KAZN: variants seen among roughly 807,000 people sequenced by gnomAD.
KAZN encodes kazrin.
Under a neutral mutation model 87.4 loss-of-function variants are expected in KAZN, and 40 were observed. The observed-to-expected ratio is 0.46, with a 90% confidence interval of 0.36 to 0.60. The LOEUF is 0.60. KAZN is among the 20% of genes least tolerant of loss of function. The pLI is 0.00. For missense variants in KAZN, 898 were observed against 1,073.9 expected (o/e 0.84, Z 2.29); for synonymous variants, 466 against 458.3 (o/e 1.02, Z -0.22).
At chr1:15,017,496 G>A (rs1200310771) in intron 2 of KAZN, among the ~76,000 whole-genome samples, 4 of 151,854 alleles carry the variant, frequency 2.6e-5, no homozygotes, top group Admixed American at 6.6e-5. Flanking sequence ...AGTTTTGTAC[G>A]ACTGAATTTA....
intron 2 of KAZN, among the ~76,000 whole-genome samples, chr1:15,017,487 G>C (rs1307184290): frequency 6.6e-6 from 1 of 150,866 alleles, no homozygotes; most frequent in Non-Finnish European, 1.5e-5. Context: ...TGTGGTCTTA[G>C]TTTTGTACGA....
intron 1 of KAZN, among the ~76,000 whole-genome samples, chr1:14,811,384 T>C (rs1646405711): frequency 6.6e-6 from 1 of 152,256 alleles, no homozygotes; most frequent in Non-Finnish European, 1.5e-5. Context: ...GTGGGAATGT[T>C]ATAAAAGTAG....
chr1:14,161,138 A>G (rs902610147), intron 1 of KAZN, among the ~76,000 whole-genome samples: 12 of 152,250 alleles, frequency 7.9e-5, no homozygotes, highest in Non-Finnish European at 1.5e-4. Context: ...TTGTCAGGTT[A>G]TTGGAGCAAA....
chr1:14,858,535 C>T (rs747001459), intron 1 of KAZN, among the ~76,000 whole-genome samples: 2 of 152,194 alleles, frequency 1.3e-5, no homozygotes, highest in Non-Finnish European at 2.9e-5. Flanking sequence ...TTCGTTTATC[C>T]ATTCATTAGC....
chr1:14,212,204 C>T (rs567283293), intron 2 of KAZN, among the ~76,000 whole-genome samples: 1 of 152,294 alleles, frequency 6.6e-6, no homozygotes, highest in Admixed American at 6.5e-5. Context: ...AGACGGTTGG[C>T]ATCATCCCCT....
intron 1 of KAZN, among the ~76,000 whole-genome samples, chr1:14,090,337 G>A (rs1643946876): frequency 6.6e-6 from 1 of 151,626 alleles, no homozygotes; most frequent in African/African-American, 2.4e-5. Flanking sequence ...CTTCATTTTG[G>A]AAAGTTTCTA....
At chr1:14,959,772 A>C (rs960516124) in intron 1 of KAZN, among the ~76,000 whole-genome samples, 2 of 152,026 alleles carry the variant, frequency 1.3e-5, no homozygotes, top group East Asian at 3.9e-4. Flanking sequence ...TGTTTTCACT[A>C]TTGCCCAGGT....
chr1:13,903,922 G>A (rs890588818), intron 1 of KAZN, among the ~76,000 whole-genome samples: 5 of 152,172 alleles, frequency 3.3e-5, no homozygotes, highest in African/African-American at 9.7e-5. Context: ...GAGTCCCTGG[G>A]TGACTGCAGC....
At chr1:14,565,088 C>T (rs1674478534) in intron 2 of KAZN, among the ~76,000 whole-genome samples, 1 of 152,160 alleles carries the variant, frequency 6.6e-6, no homozygotes, top group African/African-American at 2.4e-5. Flanking sequence ...CTACCCACCT[C>T]CTAGCTTGAT....
At chr1:14,658,356 A>G (rs1342278774) in intron 1 of KAZN, among the ~76,000 whole-genome samples, 2 of 152,116 alleles carry the variant, frequency 1.3e-5, no homozygotes, top group East Asian at 3.9e-4. Flanking sequence ...GTGAGCTGAT[A>G]TTTTTATGTA....
chr1:14,265,674 T>G (rs575306427), intron 2 of KAZN, among the ~76,000 whole-genome samples: 14 of 152,290 alleles, frequency 9.2e-5, no homozygotes, highest in African/African-American at 3.1e-4. Context: ...TTATTTCACA[T>G]GCCCCCACAG....
intron 2 of KAZN, among the ~76,000 whole-genome samples, chr1:14,534,274 C>T (rs1432497441): frequency 1.3e-5 from 2 of 152,164 alleles, no homozygotes; most frequent in African/African-American, 4.8e-5. Context: ...TGAATAGAAA[C>T]ATATATTCCA....
At chr1:14,326,859 C>A (rs1292681115) in intron 2 of KAZN, among the ~76,000 whole-genome samples, 1 of 151,718 alleles carries the variant, frequency 6.6e-6, no homozygotes, top group East Asian at 2.0e-4. Context: ...TCTGATGATC[C>A]CACATACAAT....
At chr1:15,080,045 TG>T (rs1399063767) in intron 8 of KAZN, among the ~76,000 whole-genome samples, 2 of 152,216 alleles carry the variant, frequency 1.3e-5, no homozygotes. Flanking sequence ...TGCAGAGCAG[TG>T]GGGACCCTGG....
rs186620603 is a variant in KAZN at position 14,517,191 on chromosome 1, G to A, written c.250-81792G>A. ...ACCCATGCCAGGCTATGAGACTCAAGTCTATGAGTTTATGCAAAGTGTTAG... is the reference window on the plus strand; with the variant it reads ...ACCCATGCCAGGCTATGAGACTCAAATCTATGAGTTTATGCAAAGTGTTAG... On this transcript the variant is annotated intron_variant, in intron 2 of 16. Transcript: ENST00000636203. 1.7e-4 allele frequency among the ~76,000 whole-genome samples: 26 copies of A among 152,220 alleles called. No homozygotes were observed. In the South Asian group the frequency reaches 1.9e-3, roughly 11 times the overall value.
At chr1:14,912,445 G>A (rs1264838342) in intron 1 of KAZN, among the ~76,000 whole-genome samples, 4 of 152,154 alleles carry the variant, frequency 2.6e-5, no homozygotes, top group African/African-American at 7.2e-5. Context: ...GAGAGGATAC[G>A]CTGTCACCAT....
chr1:14,041,965 C>T (rs1273579545), intron 1 of KAZN, among the ~76,000 whole-genome samples: 5 of 152,146 alleles, frequency 3.3e-5, no homozygotes, highest in Admixed American at 2.6e-4. Flanking sequence ...TGACATTCCT[C>T]TCTGAATGCT....
chr1:14,478,341 G>A (rs1240809691), intron 2 of KAZN, among the ~76,000 whole-genome samples: 1 of 151,850 alleles, frequency 6.6e-6, no homozygotes, highest in African/African-American at 2.4e-5. Context: ...AAGGAAGAAA[G>A]GATGACAAGT....
intron 2 of KAZN, among the ~76,000 whole-genome samples, chr1:14,307,499 G>A (rs903939412): frequency 6.6e-6 from 1 of 152,150 alleles, no homozygotes; most frequent in Admixed American, 6.5e-5. Flanking sequence ...TACTATCATT[G>A]TCCTCCTTTA....
Sources: allele counts gnomAD v4.1 joint callset (sites outside exome capture counted in the v4.1 genomes callset), GRCh38; gene constraint gnomAD v4.1.1; transcripts MANE v1.5; gene names NCBI Gene and HGNC (gene_info 2026-07-23, HGNC 2026-07-21).